THSD7B: variants seen among roughly 807,000 people sequenced by gnomAD.
THSD7B encodes thrombospondin type 1 domain containing 7B.
Under a neutral mutation model 213.6 loss-of-function variants are expected in THSD7B, and 138 were observed. That is an observed-to-expected ratio of 0.65 (90% CI 0.56 to 0.74). The LOEUF is 0.74. Ranked by LOEUF, THSD7B falls within the 30% of genes least tolerant of loss-of-function variation. The pLI is 0.00. For missense variants in THSD7B, 1,931 were observed against 1,991.5 expected, an observed-to-expected ratio of 0.97 and a Z score of 0.58; for synonymous variants, 742 against 687.0, an observed-to-expected ratio of 1.08 and a Z score of -1.25.
Position 137,243,919 on chromosome 2 carries a change from T to C in THSD7B, c.2266+1347T>C, listed in dbSNP as rs556194726. On this transcript the variant is annotated intron_variant, in intron 10 of 27. Transcript: ENST00000409968. ...ATAAATACATTGAATAAGAAAGAGC[T>C]TTGAAAATACAGTGCTTTATTTATC... Among the ~76,000 whole-genome samples the C allele has an allele frequency of 4.6e-5, 7 of 152,334 alleles. No homozygotes were observed. In the South Asian group the frequency reaches 1.4e-3, roughly 32 times the overall value.
intron 17 of THSD7B, among the ~76,000 whole-genome samples, chr2:137,590,384 C>T (rs1681836931): frequency 6.6e-6 from 1 of 152,138 alleles, no homozygotes; most frequent in African/African-American, 2.4e-5. Context: ...GGACAGGCAT[C>T]ATGGCTGACT....
chr2:137,183,877 G>A (rs1026883413), intron 7 of THSD7B, among the ~76,000 whole-genome samples: 4 of 152,098 alleles, frequency 2.6e-5, no homozygotes, highest in African/African-American at 4.8e-5. Context: ...TTCATTTTTA[G>A]TGTTCAAATT....
rs375827379 is a variant in THSD7B, at chr2:137,149,626, A to G, written c.1370-10587A>G. Among the ~76,000 whole-genome samples, 7 of 152,336 alleles carry G rather than the reference A, an allele frequency of 4.6e-5. No individual in the cohort carries two copies. In the East Asian group the frequency reaches 5.8e-4, roughly 13 times the overall value. On this transcript the variant is annotated intron_variant, in intron 5 of 27. Coordinates refer to ENST00000409968, the MANE Select transcript of THSD7B (RefSeq NM_001316349.2). Reference sequence around the variant, plus strand: ...ATGAGAGCCCACCTCTTGCATCAGCATGACCTGGACATGAGACATGGAGTC... The same window carrying G: ...ATGAGAGCCCACCTCTTGCATCAGCGTGACCTGGACATGAGACATGGAGTC...
chr2:137,460,379 C>T (rs1455895284), intron 15 of THSD7B, among the ~76,000 whole-genome samples: 1 of 152,086 alleles, frequency 6.6e-6, no homozygotes, highest in Non-Finnish European at 1.5e-5. Flanking sequence ...TAAGTATGAA[C>T]ATTTTTCCTT....
intron 15 of THSD7B, among the ~76,000 whole-genome samples, chr2:137,546,483 AT>A (rs1245334109): frequency 3.9e-5 from 3 of 77,412 alleles, no homozygotes; most frequent in African/African-American, 1.1e-4. Flanking sequence ...TATATAATAT[AT>A]ATATATATAT....
At chr2:137,440,123 T>C (rs1398243699) in intron 14 of THSD7B, among the ~76,000 whole-genome samples, 1 of 152,176 alleles carries the variant, frequency 6.6e-6, no homozygotes, top group Non-Finnish European at 1.5e-5. Flanking sequence ...TGAATACTGA[T>C]AGCAGTGGAA....
chr2:137,039,485 C>T (rs896808444), intron 2 of THSD7B, among the ~76,000 whole-genome samples: 4 of 152,160 alleles, frequency 2.6e-5, no homozygotes, highest in Admixed American at 2.6e-4. Context: ...TCCTGCAATG[C>T]ACAGGACAAC....
chr2:136,773,727 C>G (rs1182353447), intron 1 of THSD7B, among the ~76,000 whole-genome samples: 1 of 152,044 alleles, frequency 6.6e-6, no homozygotes, highest in Non-Finnish European at 1.5e-5. Context: ...AACGACTCTA[C>G]CCTACTGCCT....
chr2:137,121,549 A>G (rs1688547331), intron 5 of THSD7B, among the ~76,000 whole-genome samples: 1 of 152,202 alleles, frequency 6.6e-6, no homozygotes, highest in Admixed American at 6.5e-5. Flanking sequence ...CTAGATATGA[A>G]TATGGATTTT....
At chr2:137,285,958 G>A (rs1683164346) in intron 12 of THSD7B, among the ~76,000 whole-genome samples, 1 of 151,846 alleles carries the variant, frequency 6.6e-6, no homozygotes, top group Non-Finnish European at 1.5e-5. Flanking sequence ...ACAAAAATTA[G>A]CCGGGCACGG....
rs372348762 is a variant in THSD7B at position 137,090,253 on chromosome 2, G to A, written c.951-4620G>A. Among the ~76,000 whole-genome samples, 6 of 151,938 alleles carry A rather than the reference G, an allele frequency of 3.9e-5. No individual in the cohort carries two copies. The East Asian group carries it at 9.6e-4, about 24-fold the overall frequency. On this transcript the variant is annotated intron_variant, in intron 3 of 27. Coordinates refer to ENST00000409968, the MANE Select transcript of THSD7B (RefSeq NM_001316349.2). The stretch of plus-strand genomic sequence containing the variant: ...ATTTAAGGATAGTAGCTATGTCTGA[G>A]GAGACAGAAATAAAACTAGAATTGC...
At chr2:137,404,470 T>TACACACACACAC (rs1188350163) in intron 12 of THSD7B, among the ~76,000 whole-genome samples, 16 of 62,534 alleles carry the variant, frequency 2.6e-4, no homozygotes, top group African/African-American at 6.6e-4. Context: ...TATATATATA[T>TACACACACACAC]ATATACACAC....
chr2:136,948,523 C>T (rs541079258), intron 2 of THSD7B, among the ~76,000 whole-genome samples: 52 of 151,964 alleles, frequency 3.4e-4, no homozygotes, highest in African/African-American at 1.2e-3. Context: ...TAGAAAATGC[C>T]GTAGAAATTC....
intron 2 of THSD7B, among the ~76,000 whole-genome samples, chr2:136,947,301 A>G (rs972557077): frequency 3.3e-5 from 5 of 152,216 alleles, no homozygotes; most frequent in African/African-American, 9.7e-5. Flanking sequence ...AGTTTGAAAT[A>G]TTTGGTTAAT....
intron 2 of THSD7B, among the ~76,000 whole-genome samples, chr2:137,020,890 C>A (rs1413137649): frequency 2.0e-5 from 3 of 152,130 alleles, no homozygotes; most frequent in African/African-American, 7.2e-5. Flanking sequence ...TACAATAGTT[C>A]ACACTCATTT....
At chr2:137,310,297 G>A (rs1683863978) in intron 12 of THSD7B, among the ~76,000 whole-genome samples, 1 of 149,942 alleles carries the variant, frequency 6.7e-6, no homozygotes, top group Admixed American at 6.6e-5. Flanking sequence ...CTGCATAAAT[G>A]TCTTCTTTTG....
chr2:137,289,765 A>G (rs1035319588), intron 12 of THSD7B, among the ~76,000 whole-genome samples: 7 of 152,054 alleles, frequency 4.6e-5, no homozygotes, highest in African/African-American at 1.7e-4. Context: ...AAGAGTGATG[A>G]TAGGACCACC....
At chr2:137,499,047 C>T (rs1240563457) in intron 15 of THSD7B, among the ~76,000 whole-genome samples, 2 of 152,136 alleles carry the variant, frequency 1.3e-5, no homozygotes, top group Non-Finnish European at 2.9e-5. Flanking sequence ...GAGCCTGAGT[C>T]ACAGGCATCT....
At chr2:137,602,270 T>C (rs755615172) in intron 17 of THSD7B, among the ~76,000 whole-genome samples, 3 of 152,092 alleles carry the variant, frequency 2.0e-5, no homozygotes, top group Admixed American at 2.0e-4. Context: ...TTTTTGTTTT[T>C]GTTTTTGTAT....
Sources: gnomAD v4.1 joint callset for allele counts (sites outside exome capture counted in the v4.1 genomes callset) on GRCh38, gnomAD v4.1.1 for gene constraint, MANE v1.5 for transcripts, NCBI Gene and HGNC (gene_info 2026-07-23, HGNC 2026-07-21) for gene names.